Variants in DLGAP2 observed in about 807,000 individuals in gnomAD.
DLGAP2 encodes DLG associated protein 2.
Under a neutral mutation model 100.3 loss-of-function variants are expected in DLGAP2, and 26 were observed. The ratio of observed to expected loss-of-function variants is 0.26; its 90% CI spans 0.19 to 0.36. DLGAP2 has a LOEUF of 0.36. Ranked by LOEUF, DLGAP2 falls within the 10% of genes least tolerant of loss-of-function variation. DLGAP2 has a pLI of 1.00. For synonymous variants in DLGAP2, 886 were observed against 630.1 expected (o/e 1.41, Z -6.08); for missense variants, 1,858 against 1,453.2 (o/e 1.28, Z -4.53).
chr8:1,523,185 C>T (rs1046009122), intron 4 of DLGAP2, among the ~76,000 whole-genome samples: 3 of 152,214 alleles, frequency 2.0e-5, no homozygotes, highest in Admixed American at 1.3e-4. Flanking sequence ...TCTGGTGGTC[C>T]GGGCCCATGG....
At chr8:881,181 G>A (rs1303069969) in intron 1 of DLGAP2, among the ~76,000 whole-genome samples, 1 of 152,148 alleles carries the variant, frequency 6.6e-6, no homozygotes, top group Non-Finnish European at 1.5e-5. Flanking sequence ...AAAGTTAAGC[G>A]ACCTAGGATA....
At chr8:926,472 CTG>C (rs1337298257) in intron 2 of DLGAP2, among the ~76,000 whole-genome samples, 1 of 152,350 alleles carries the variant, frequency 6.6e-6, no homozygotes, top group East Asian at 1.9e-4. Flanking sequence ...ATTTCTGTCT[CTG>C]TGTCTCACCG....
At chr8:738,702 G>GCTGGGCTGGGCTGGGCTGGACTGGA (rs534701410) in intron 1 of DLGAP2, 1 of 153,316 alleles carries the variant, frequency 6.5e-6, no homozygotes, top group Non-Finnish European at 1.4e-5. Context: ...GCTGGGCTGG[G>GCTGGGCTGGGCTGGGCTGGACTGGA]CTGGACTGGA....
chr8:1,055,203 T>A (rs770264566), intron 2 of DLGAP2, among the ~76,000 whole-genome samples: 2 of 152,256 alleles, frequency 1.3e-5, no homozygotes, highest in Admixed American at 6.5e-5. Context: ...GATTATGTGA[T>A]GACATTCTCT....
At chr8:954,141 C>G (rs1799544676) in intron 2 of DLGAP2, among the ~76,000 whole-genome samples, 1 of 152,102 alleles carries the variant, frequency 6.6e-6, no homozygotes, top group Non-Finnish European at 1.5e-5. Context: ...GTTGTCCACA[C>G]TGCCTAAGAG....
chr8:1,249,572 G>T (rs1485039276), intron 2 of DLGAP2, among the ~76,000 whole-genome samples: 4 of 152,162 alleles, frequency 2.6e-5, no homozygotes, highest in Non-Finnish European at 5.9e-5. Context: ...TTATACGACT[G>T]AATGGCTGAC....
chr8:1,484,877 C>T (rs1799198553), intron 3 of DLGAP2, among the ~76,000 whole-genome samples: 1 of 152,198 alleles, frequency 6.6e-6, no homozygotes, highest in Non-Finnish European at 1.5e-5. Flanking sequence ...GACCTGGTCT[C>T]TCAGCCTTTC....
chr8:1,052,667 A>AG (rs1316510187), intron 2 of DLGAP2, among the ~76,000 whole-genome samples: 2 of 152,080 alleles, frequency 1.3e-5, no homozygotes, highest in Non-Finnish European at 2.9e-5. Flanking sequence ...TTGGCCTAGT[A>AG]GGGGGGCAGT....
chr8:987,860 C>T (rs1454559816), intron 2 of DLGAP2, among the ~76,000 whole-genome samples: 4 of 152,176 alleles, frequency 2.6e-5, no homozygotes, highest in Non-Finnish European at 4.4e-5. Context: ...TCCTCTCTTT[C>T]AGCTGTTAAT....
intron 3 of DLGAP2, among the ~76,000 whole-genome samples, chr8:1,373,290 C>T (rs1585310717): frequency 6.7e-6 from 1 of 149,618 alleles, no homozygotes; most frequent in Admixed American, 6.6e-5. Flanking sequence ...CGGAGGGTGT[C>T]GGGAGCAGGG....
intron 1 of DLGAP2, among the ~76,000 whole-genome samples, chr8:765,792 G>GAC (rs143027178): frequency 3.9e-5 from 6 of 151,918 alleles, no homozygotes; most frequent in Non-Finnish European, 5.9e-5. Flanking sequence ...CATGTACACA[G>GAC]ACACACACAC....
chr8:981,358 A>T (rs1457032217), intron 2 of DLGAP2, among the ~76,000 whole-genome samples: 1 of 151,818 alleles, frequency 6.6e-6, no homozygotes. Flanking sequence ...CCTTTTGTCT[A>T]TTGTGCTATT....
rs1258522813 is a variant in DLGAP2 at position 1,564,225 on chromosome 8, G to A, written c.1231-1458G>A. On this transcript the variant is annotated intron_variant, in intron 5 of 14. Coordinates refer to ENST00000637795, the MANE Select transcript of DLGAP2 (RefSeq NM_001346810.2). Reference sequence around the variant, plus strand: ...CTGTTCAAAGCTAATGAACCGTGGGGAAAAGAAACCAGGTCCTGACCTGCA... The same window carrying A: ...CTGTTCAAAGCTAATGAACCGTGGGAAAAAGAAACCAGGTCCTGACCTGCA... 3.9e-5 allele frequency among the ~76,000 whole-genome samples: 6 copies of A among 152,300 alleles called. 1 individual carries two copies. The highest frequency in any genetic ancestry group is 1.9e-4 in the East Asian group (1 of 5,180).
chr8:762,802 G>A (rs540469752), intron 1 of DLGAP2, among the ~76,000 whole-genome samples: 25 of 152,008 alleles, frequency 1.6e-4, no homozygotes, highest in East Asian at 7.8e-4. Context: ...GTCAGCCTCC[G>A]GAGTAACTGG....
chr8:1,024,765 G>C (rs1172420310), intron 2 of DLGAP2, among the ~76,000 whole-genome samples: 1 of 152,196 alleles, frequency 6.6e-6, no homozygotes, highest in Non-Finnish European at 1.5e-5. Context: ...GGGTGAAACG[G>C]ACCTTCTTAT....
chr8:918,951 T>C (rs1798651457), intron 2 of DLGAP2, among the ~76,000 whole-genome samples: 4 of 152,106 alleles, frequency 2.6e-5, no homozygotes, highest in Admixed American at 6.5e-5. Context: ...TTGTTGTTTG[T>C]TTATTTTGAA....
chr8:905,583 T>G (rs1330398737), intron 1 of DLGAP2, among the ~76,000 whole-genome samples: 3 of 151,862 alleles, frequency 2.0e-5, no homozygotes, highest in Non-Finnish European at 4.4e-5. Context: ...TTCTGTGGAG[T>G]GAGGGCCCTG....
At chr8:1,176,212 G>T in intron 2 of DLGAP2, among the ~76,000 whole-genome samples, 1 of 152,158 alleles carries the variant, frequency 6.6e-6, no homozygotes, top group South Asian at 2.1e-4. Context: ...GAGAGACAGT[G>T]TGGGAAATGC....
At chr8:788,548 A>G (rs1225003912) in intron 1 of DLGAP2, among the ~76,000 whole-genome samples, 1 of 152,234 alleles carries the variant, frequency 6.6e-6, no homozygotes, top group Non-Finnish European at 1.5e-5. Flanking sequence ...CTTAGATAAG[A>G]TAGTAGCCAT....
Sources: allele counts gnomAD v4.1 joint callset (sites outside exome capture counted in the v4.1 genomes callset), GRCh38; gene constraint gnomAD v4.1.1; transcripts MANE v1.5; gene names NCBI Gene and HGNC (gene_info 2026-07-23, HGNC 2026-07-21).